Variants in ABCA5 observed in about 807,000 individuals in gnomAD.
ABCA5 encodes ATP binding cassette subfamily A member 5, also known as cholesterol transporter ABCA5.
In ABCA5, 163 loss-of-function variants were observed where a neutral mutation model predicts 206.0. The observed-to-expected ratio is 0.79, with a 90% CI of 0.70 to 0.90. The LOEUF is 0.90. Among genes scored for constraint, ABCA5 ranks in the 40% least tolerant of loss-of-function variants. ABCA5 has a pLI of 0.00. For missense variants in ABCA5, 1,859 were observed against 1,912.9 expected, an observed-to-expected ratio of 0.97 and a Z score of 0.53; for synonymous variants, 609 against 613.8, an observed-to-expected ratio of 0.99 and a Z score of 0.11.
intron 10 of ABCA5, 114 bp from the exon 11 acceptor site, chr17:69,294,827 A>G: frequency 1.7e-6 from 1 of 598,894 alleles, no homozygotes; most frequent in Non-Finnish European, 2.7e-6. Flanking sequence ...TAATAAAATA[A>G]TAATAAAGTA....
At chr17:69,310,821 A>G (rs2075760973) in intron 3 of ABCA5, among the ~76,000 whole-genome samples, 1 of 152,216 alleles carries the variant, frequency 6.6e-6, no homozygotes, top group Non-Finnish European at 1.5e-5. Flanking sequence ...TTCAGACTTT[A>G]GTGTCCTCAT....
At chr17:69,249,647 A>T in intron 37 of ABCA5, 1 of 421,716 alleles carries the variant, frequency 2.4e-6, no homozygotes, top group Non-Finnish European at 4.2e-6. Flanking sequence ...GAGTTTATCT[A>T]CAAAATCCCT....
At position 69,326,008 on chromosome 17, in the gene ABCA5, G is replaced by A. The variant is rs2075894634; in HGVS notation, c.-16+1044C>T. ...ACAAAGCCCTAACTGCCCTAATAAT[G>A]TTCCCTACTATGGAGTCTTCCCTAA... On this transcript the variant is annotated intron_variant, in intron 1 of 38. Transcript: ENST00000392676. The surrounding 1 kb of genome is among the most constrained non-coding windows in gnomAD (Gnocchi z 4.8). 6.6e-6 allele frequency among the ~76,000 whole-genome samples: 1 copy of A among 152,124 alleles called. No individual in the cohort carries two copies. Among genetic ancestry groups the A allele is most frequent in the African/African-American group, 2.4e-5 (1 of 41,418 alleles).
intron 19 of ABCA5, 44 bp from the exon 20 acceptor site, chr17:69,274,172 C>G: frequency 1.4e-6 from 2 of 1,476,878 alleles, no homozygotes; most frequent in South Asian, 1.4e-5. Context: ...TACAAAGGTA[C>G]ATTAATATGA....
chr17:69,250,057 T>C, intron 36 of ABCA5, 73 bp from the exon 37 acceptor site: 3 of 952,182 alleles, frequency 3.2e-6, no homozygotes, highest in Non-Finnish European at 4.4e-6. Flanking sequence ...AAGTTCAACA[T>C]GTTTAAAATT....
chr17:69,319,304 T>C (rs2075844327), intron 1 of ABCA5, among the ~76,000 whole-genome samples: 1 of 152,230 alleles, frequency 6.6e-6, no homozygotes, highest in South Asian at 2.1e-4. Context: ...TAATCCACTT[T>C]GAATGTTGGA....
intron 35 of ABCA5, 140 bp from the exon 36 acceptor site, chr17:69,250,761 C>A: frequency 2.0e-6 from 1 of 507,834 alleles, no homozygotes; most frequent in East Asian, 3.7e-5. Context: ...CATCCCCATA[C>A]ACTCTTTATC....
At chr17:69,315,481 A>G (rs1321244129) in intron 1 of ABCA5, 1 of 152,242 alleles carries the variant, frequency 6.6e-6, no homozygotes, top group Non-Finnish European at 1.5e-5. Context: ...TACACTGCAA[A>G]TGAAGCATGT....
intron 10 of ABCA5, among the ~76,000 whole-genome samples, chr17:69,296,197 T>C (rs2075581899): frequency 6.6e-6 from 1 of 152,190 alleles, no homozygotes. Flanking sequence ...CTACCTTATT[T>C]TTTTCATATT....
intron 19 of ABCA5, among the ~76,000 whole-genome samples, chr17:69,275,513 T>C (rs2075322235): frequency 6.6e-6 from 1 of 152,186 alleles, no homozygotes; most frequent in African/African-American, 2.4e-5. Flanking sequence ...TCAAGTTCCA[T>C]AATAAGTTAA....
At chr17:69,294,503 C>A (rs2441358) in intron 11 of ABCA5, 152 bp downstream of exon 11, 227,989 of 675,008 alleles carry the variant, frequency 0.34, 41,164 homozygotes, top group East Asian at 0.6. Context: ...ACCTGGGTGA[C>A]AGAGCGAGAC....
Position 69,313,123 on chromosome 17 carries a change from C to G in ABCA5, c.276G>C (p.Met92Ile). Residue 92 changes from methionine (M) to isoleucine (I), a missense_variant, in exon 3 of 39, where the codon ATG (methionine) becomes ATC (isoleucine). Coordinates refer to ENST00000392676, the MANE Select transcript of ABCA5 (RefSeq NM_172232.4). ...TPVTNITSSI[M>I]QKVSTDHLPD... ...GTAGATGATCAGTAGACACTTTCTG[C>G]ATGATGCTGCTTGTAATATTAGTCA... is the stretch of plus-strand genomic sequence containing the variant. 3 of 1,610,942 alleles carry G rather than the reference C, an allele frequency of 1.9e-6. No individual in the cohort carries two copies. The highest frequency in any genetic ancestry group is 2.5e-6 in the Non-Finnish European group (3 of 1,178,324).
At chr17:69,298,646 T>C (rs2075618399) in intron 9 of ABCA5, among the ~76,000 whole-genome samples, 1 of 151,896 alleles carries the variant, frequency 6.6e-6, no homozygotes, top group Admixed American at 6.6e-5. Context: ...AAGCCACACG[T>C]AGAAGAATGA....
At chr17:69,322,513 TTAAAA>T (rs1192565629) in intron 1 of ABCA5, among the ~76,000 whole-genome samples, 7 of 151,894 alleles carry the variant, frequency 4.6e-5, no homozygotes, top group African/African-American at 4.8e-5. Flanking sequence ...ATTTAATTAA[TTAAAA>T]TAAGAAATTT....
intron 24 of ABCA5, among the ~76,000 whole-genome samples, chr17:69,263,697 CTTTTTTTT>C (rs58369537): frequency 1.9e-5 from 2 of 103,692 alleles, no homozygotes; most frequent in Non-Finnish European, 3.5e-5. Flanking sequence ...ACATGGATTC[CTTTTTTTT>C]TTTTTTTTTG....
chr17:69,259,618 G>T, intron 28 of ABCA5, 88 bp downstream of exon 28: 2 of 902,364 alleles, frequency 2.2e-6, no homozygotes, highest in Non-Finnish European at 1.6e-6. Context: ...TGGAGTGCTG[G>T]AAATGTTCCA....
chr17:69,313,451 T>G (rs1833020008), intron 2 of ABCA5, among the ~76,000 whole-genome samples, 155 bp from the exon 3 acceptor site: 1 of 152,102 alleles, frequency 6.6e-6, no homozygotes, highest in Non-Finnish European at 1.5e-5. Context: ...CAAAAGAATT[T>G]TGTGTTGAAC....
chr17:69,270,486 G>A (rs544535021), intron 22 of ABCA5, 127 bp downstream of exon 22: 1 of 868,954 alleles, frequency 1.2e-6, no homozygotes, highest in East Asian at 3.0e-5. Context: ...TCTCACTTGA[G>A]TTTTAAGAAG....
In ABCA5 at chr17:69,314,379, G is replaced by T; in HGVS notation, c.37C>A (p.Gln13Lys). Residue 13 changes from glutamine to lysine, a missense_variant, in exon 2 of 39, where the codon CAG (glutamine) becomes AAG (lysine). Transcript: ENST00000392676. Reference protein sequence around the residue: ...TAIREVGVWRQTRTLLLKNYL... With the variant: ...TAIREVGVWRKTRTLLLKNYL... ...TTCTTCAGTAGAAGTGTTCTGGTCT[G>T]TCTCCAAACTCCTACCTCCCTAATT... 1 of 1,613,654 alleles carries T rather than the reference G, an allele frequency of 6.2e-7. No homozygotes were observed. The highest frequency in any genetic ancestry group is 8.5e-7 in the Non-Finnish European group (1 of 1,179,650).
Sources: allele counts gnomAD v4.1 joint callset (sites outside exome capture counted in the v4.1 genomes callset), GRCh38; gene constraint gnomAD v4.1.1; non-coding constraint Gnocchi (gnomAD v3.1); transcripts MANE v1.5; gene names NCBI Gene and HGNC (gene_info 2026-07-23, HGNC 2026-07-21).